Variants in RFX7 observed in about 807,000 individuals in gnomAD.
RFX7 encodes the protein DNA-binding protein RFX7.
A neutral mutation model predicts 111.8 loss-of-function variants in RFX7; 26 were observed. The observed-to-expected ratio is 0.23, with a 90% CI of 0.17 to 0.32. The LOEUF (loss-of-function observed/expected upper bound fraction) is 0.32, where lower values mean the gene tolerates loss of function less well. Ranked by LOEUF, RFX7 falls within the 10% of genes least tolerant of loss-of-function variation. The pLI is 1.00. For missense variants in RFX7, 1,573 were observed against 1,772.9 expected, an observed-to-expected ratio of 0.89 and a Z score of 2.02; for synonymous variants, 624 against 624.4, an observed-to-expected ratio of 1.00 and a Z score of 0.01.
intron 3 of RFX7, among the ~76,000 whole-genome samples, chr15:56,160,351 G>GT (rs77452375): frequency 0.023 from 3,149 of 135,662 alleles, 53 homozygotes; most frequent in African/African-American, 0.053. Context: ...TCAGTAAAAA[G>GT]TTTTTTTTTT....
intron 3 of RFX7, among the ~76,000 whole-genome samples, chr15:56,157,936 A>G (rs2042674075): frequency 6.6e-6 from 1 of 152,242 alleles, no homozygotes; most frequent in South Asian, 2.1e-4. Flanking sequence ...TGACTCTTCT[A>G]GAACTTATGT....
chr15:56,099,582 C>G (rs1222898665), intron 8 of RFX7, among the ~76,000 whole-genome samples: 2 of 151,636 alleles, frequency 1.3e-5, no homozygotes, highest in African/African-American at 4.9e-5. Flanking sequence ...AGCTGACTTA[C>G]AAAAGGACAT....
intron 3 of RFX7, among the ~76,000 whole-genome samples, chr15:56,148,158 A>G (rs575799471): frequency 6.6e-6 from 1 of 152,328 alleles, no homozygotes; most frequent in African/African-American, 2.4e-5. Flanking sequence ...CAATCTTTGC[A>G]AAAAGATATT....
chr15:56,095,791 T>C lies in RFX7; in HGVS notation c.1937A>G (p.Asn646Ser), dbSNP rs1487495808. ...TTTAGTGCATAATTTAGGGTCTTTA[T>C]TGATTGAGTCACCATTAGGTGGTGA... ...SSSPPNGDSINKDPKLCTKSP... is the reference protein window; with the variant it reads ...SSSPPNGDSISKDPKLCTKSP... The change falls in exon 10 of 10, where the codon AAT becomes AGT. Residue 646 changes from asparagine (N) to serine (S), a missense_variant. Physicochemically the swap from Asn to Ser is conservative, Grantham distance 46 (BLOSUM62 1). Coordinates refer to ENST00000559447, the MANE Select transcript of RFX7 (RefSeq NM_022841.7). 1.2e-6 allele frequency: 2 copies of C among 1,613,190 alleles called. No individual in the cohort carries two copies. The highest frequency in any genetic ancestry group is 8.5e-7 in the Non-Finnish European group (1 of 1,179,872).
chr15:56,229,530 G>A (rs2043525900), intron 2 of RFX7, among the ~76,000 whole-genome samples: 1 of 152,162 alleles, frequency 6.6e-6, no homozygotes, highest in Admixed American at 6.5e-5. Context: ...CTCCCAAAGT[G>A]CTTGTTTTGT....
At chr15:56,226,890 AGTGGG>A in intron 2 of RFX7, among the ~76,000 whole-genome samples, 1 of 152,140 alleles carries the variant, frequency 6.6e-6, no homozygotes, top group Admixed American at 6.5e-5. Context: ...CTCGGATGGG[AGTGGG>A]AGTGGCCAAC....
intron 2 of RFX7, 37 bp from the exon 3 acceptor site, chr15:56,179,340 A>G (rs1371361142): frequency 9.2e-7 from 1 of 1,082,516 alleles, no homozygotes; most frequent in Non-Finnish European, 1.2e-6. Context: ...TAAAATGAAA[A>G]GTTTATTAAC....
chr15:56,121,264 G>A (rs550532511), intron 5 of RFX7, among the ~76,000 whole-genome samples: 173 of 152,198 alleles, frequency 1.1e-3, no homozygotes, highest in African/African-American at 4.1e-3. Context: ...TACTATTCTA[G>A]GGTAAAATAT....
chr15:56,154,200 T>C (rs551821813), intron 3 of RFX7, among the ~76,000 whole-genome samples: 3 of 152,310 alleles, frequency 2.0e-5, no homozygotes, highest in South Asian at 4.1e-4. Flanking sequence ...AAAATGGTCA[T>C]ACTGCCCAAA....
Position 56,184,193 on chromosome 15 carries a change from A to ATTTTT in RFX7, c.162-4895_162-4891dup, listed in dbSNP as rs35880948. On this transcript the variant is annotated intron_variant, in intron 2 of 9. Coordinates refer to ENST00000559447, the MANE Select transcript of RFX7 (RefSeq NM_022841.7). ...TGCCACCACACCTGGCTAATTTTGT[A>ATTTTT]TTTTTTTTTTTTTTTTTTTTTTTTT... Among the ~76,000 whole-genome samples, 102 of 80,728 alleles carry ATTTTT rather than the reference A, an allele frequency of 1.3e-3. 5 individuals carry two copies. Among genetic ancestry groups the ATTTTT allele is most frequent in the South Asian group, 5.6e-3 (12 of 2,150 alleles). 53.0% of individuals were successfully genotyped at this position (80,728 alleles called of 152,430 possible).
At chr15:56,232,881 T>C (rs1339844039) in intron 2 of RFX7, among the ~76,000 whole-genome samples, 2 of 152,206 alleles carry the variant, frequency 1.3e-5, no homozygotes, top group Non-Finnish European at 2.9e-5. Context: ...TCACTGTCCA[T>C]ATTATTATCA....
In RFX7 at chr15:56,111,155, A is replaced by C. The variant is rs1250177880; in HGVS notation, c.402-7485T>G. ...ACCCCGTCTGGGAGGTTTACCCAAC[A>C]GCTCATTGAGAACGGGCCAGGATGA... On this transcript the variant is annotated intron_variant, in intron 5 of 9. Transcript: ENST00000559447. Among the ~76,000 whole-genome samples the C allele has an allele frequency of 5.0e-5, 7 of 141,232 alleles. No individual in the cohort carries two copies. In the Admixed American group the frequency reaches 5.0e-4, roughly 10 times the overall value. 92.7% of individuals were successfully genotyped at this position (141,232 alleles called of 152,430 possible). A position where few individuals can be genotyped will look rare whatever the true frequency, so the allele number is the denominator to read the frequency against.
Position 56,094,451 on chromosome 15 carries a change from G to A in RFX7, c.3277C>T (p.Arg1093Cys), listed in dbSNP as rs781388688. The A allele has an allele frequency of 2.0e-5, 32 of 1,613,776 alleles. No homozygotes were observed. In the Admixed American group the frequency reaches 2.3e-4, roughly 12 times the overall value. Residue 1093 changes from arginine (R) to cysteine (C), a missense_variant, in exon 10 of 10, where the codon CGT becomes TGT. This residue lies in a region of RFX7 where 411 missense variants were observed against 478.1 expected (regional missense o/e 0.86). Coordinates refer to ENST00000559447, the MANE Select transcript of RFX7 (RefSeq NM_022841.7). ...LPSYQELVED[R>C]FRKPHAFAVP... is the part of the protein sequence containing the mutation. ...GCAAAAGCATGAGGTTTCCTGAAAC[G>A]GTCTTCCACTAGTTCCTGATAGCTT...
chr15:56,173,126 A>C (rs1436997237), intron 3 of RFX7, among the ~76,000 whole-genome samples: 38 of 152,248 alleles, frequency 2.5e-4, no homozygotes, highest in Non-Finnish European at 2.9e-5. Context: ...GAGGTGGCAA[A>C]GAATCATATG....
upstream of RFX7, among the ~76,000 whole-genome samples, chr15:56,245,017 T>C (rs2043814136): frequency 6.6e-6 from 1 of 152,138 alleles, no homozygotes; most frequent in South Asian, 2.1e-4. Flanking sequence ...CCGTGGGTGT[T>C]ATGAGCCCTT....
Position 56,101,375 on chromosome 15 carries a change from C to T in RFX7, c.795G>A (p.Met265Ile), listed in dbSNP as rs1463891568. The change falls in exon 8 of 10, where the codon ATG becomes ATA. Residue 265 changes from methionine to isoleucine, a missense_variant. Transcript: ENST00000559447. Reference protein sequence around the residue: ...GTKSMAALTVMAAAPAGMKGI... With the variant: ...GTKSMAALTVIAAAPAGMKGI... ...ATGTTGTACCTGCTGGTGCTGCTGCCATTACAGTTAGAGCTGCCATTGACT... is the reference window on the plus strand; with the variant it reads ...ATGTTGTACCTGCTGGTGCTGCTGCTATTACAGTTAGAGCTGCCATTGACT... 2 of 1,597,206 alleles carry T rather than the reference C, an allele frequency of 1.3e-6. No individual in the cohort carries two copies. The highest frequency in any genetic ancestry group is 2.3e-5 in the South Asian group (2 of 88,270).
At chr15:56,155,426 A>G (rs2042639517) in intron 3 of RFX7, among the ~76,000 whole-genome samples, 1 of 152,216 alleles carries the variant, frequency 6.6e-6, no homozygotes, top group South Asian at 2.1e-4. Context: ...ACGGAATACT[A>G]TACAGCCATA....
rs1450514543 is a variant in RFX7, at chr15:56,091,729, C to T, written c.*1616G>A. ...AAATCAAGATAACAGCAAACACACACAAATGCCAATAACTAAGACATATCA... is the reference window on the plus strand; with the variant it reads ...AAATCAAGATAACAGCAAACACACATAAATGCCAATAACTAAGACATATCA... On this transcript the variant is annotated 3_prime_UTR_variant, in exon 10 of 10. Coordinates refer to ENST00000559447, the MANE Select transcript of RFX7 (RefSeq NM_022841.7). The T allele has an allele frequency of 6.6e-6, 1 of 152,534 alleles. No homozygotes were observed. 9.4% of individuals were successfully genotyped at this position (152,534 alleles called of 1,614,324 possible).
At chr15:56,172,951 T>C (rs1409592458) in intron 3 of RFX7, among the ~76,000 whole-genome samples, 5 of 152,052 alleles carry the variant, frequency 3.3e-5, no homozygotes, top group African/African-American at 1.2e-4. Context: ...CAGAAACAAG[T>C]GTTTTCAGAA....
Sources: allele counts gnomAD v4.1 joint callset (sites outside exome capture counted in the v4.1 genomes callset), GRCh38; gene constraint gnomAD v4.1.1; regional missense constraint gnomAD v4.1.1; transcripts MANE v1.5; gene names NCBI Gene and HGNC (gene_info 2026-07-23, HGNC 2026-07-21).